Variants in PLXDC2 observed in about 807,000 individuals in gnomAD.
PLXDC2 encodes the protein plexin domain containing 2, also known as plexin domain-containing protein 2.
In PLXDC2, 40 loss-of-function variants were observed where a neutral mutation model predicts 68.9. The ratio of observed to expected loss-of-function variants is 0.58; its 90% CI spans 0.45 to 0.76. The LOEUF (loss-of-function observed/expected upper bound fraction) is 0.76, where lower values mean the gene tolerates loss of function less well. Ranked by LOEUF, PLXDC2 falls within the 30% of genes least tolerant of loss-of-function variation. PLXDC2 has a pLI of 0.00. For missense variants in PLXDC2, 644 were observed against 661.9 expected (o/e 0.97, Z 0.30); for synonymous variants, 243 against 234.2 (o/e 1.04, Z -0.34).
intron 7 of PLXDC2, among the ~76,000 whole-genome samples, 160 bp from the exon 8 acceptor site, chr10:20,176,839 T>G (rs905204340): frequency 6.6e-6 from 1 of 152,182 alleles, no homozygotes; most frequent in Admixed American, 6.6e-5. Context: ...ACTTGACATG[T>G]GATTTTTACA....
At chr10:19,948,113 C>T (rs1833932793) in intron 1 of PLXDC2, among the ~76,000 whole-genome samples, 1 of 152,130 alleles carries the variant, frequency 6.6e-6, no homozygotes, top group South Asian at 2.1e-4. Flanking sequence ...TTTTTAAATT[C>T]ACAACTGTCA....
chr10:19,830,181 C>T (rs1378557026), intron 1 of PLXDC2, among the ~76,000 whole-genome samples: 1 of 152,054 alleles, frequency 6.6e-6, no homozygotes, highest in Non-Finnish European at 1.5e-5. Context: ...CAAAGGAGTC[C>T]AACTGGGAAA....
intron 1 of PLXDC2, among the ~76,000 whole-genome samples, chr10:19,841,558 A>G (rs1270529805): frequency 7.5e-6 from 1 of 132,800 alleles, no homozygotes; most frequent in Admixed American, 7.8e-5. Context: ...TTTTTTTTTA[A>G]GTGTTGCCTA....
chr10:19,953,859 T>C (rs1834026637), intron 1 of PLXDC2, among the ~76,000 whole-genome samples: 1 of 152,150 alleles, frequency 6.6e-6, no homozygotes, highest in South Asian at 2.1e-4. Flanking sequence ...ACAGCAAATG[T>C]ACTGTTTTGA....
chr10:19,953,037 G>T (rs547972112), intron 1 of PLXDC2, among the ~76,000 whole-genome samples: 2 of 151,996 alleles, frequency 1.3e-5, no homozygotes, highest in Non-Finnish European at 2.9e-5. Flanking sequence ...GCTAATTTTT[G>T]TATTTATTAG....
chr10:20,230,744 CATTATA>C (rs1835353801), intron 12 of PLXDC2, among the ~76,000 whole-genome samples: 1 of 124,664 alleles, frequency 8.0e-6, no homozygotes, highest in Non-Finnish European at 1.7e-5. Flanking sequence ...CATTAGGAAC[CATTATA>C]ATTTTTTTAA....
At chr10:19,938,771 A>G (rs1272224334) in intron 1 of PLXDC2, among the ~76,000 whole-genome samples, 2 of 152,212 alleles carry the variant, frequency 1.3e-5, no homozygotes, top group South Asian at 2.1e-4. Flanking sequence ...TCAGCAGTAC[A>G]TGAAGGCTGA....
chr10:20,269,853 A>G (rs1182150605), intron 13 of PLXDC2, among the ~76,000 whole-genome samples: 2 of 152,022 alleles, frequency 1.3e-5, no homozygotes, highest in Non-Finnish European at 2.9e-5. Context: ...TCCCGTTTCT[A>G]TTAAAAATAC....
intron 4 of PLXDC2, among the ~76,000 whole-genome samples, chr10:20,106,047 A>C (rs1013618297): frequency 8.5e-5 from 13 of 152,212 alleles, no homozygotes; most frequent in Non-Finnish European, 1.8e-4. Flanking sequence ...TCAGGGATTC[A>C]AAGATAAAGC....
intron 2 of PLXDC2, among the ~76,000 whole-genome samples, chr10:20,027,443 C>G (rs576996860): frequency 6.6e-6 from 1 of 152,096 alleles, no homozygotes; most frequent in African/African-American, 2.4e-5. Flanking sequence ...GAGGATGCAA[C>G]GAGAAGGCCC....
chr10:20,146,488 T>TTTTCTTCC (rs1834081410), intron 5 of PLXDC2, among the ~76,000 whole-genome samples: 2 of 81,412 alleles, frequency 2.5e-5, no homozygotes, highest in Admixed American at 1.7e-4. Flanking sequence ...TTCTTTTCTT[T>TTTTCTTCC]TTCCTTCCTT....
rs950928768 is a variant in PLXDC2 at position 20,286,009 on chromosome 10, G to A, written c.*6190G>A. The A allele has an allele frequency of 6.6e-6, 1 of 152,154 alleles. No homozygotes were observed. Among genetic ancestry groups the A allele is most frequent in the African/African-American group, 2.4e-5 (1 of 41,418 alleles). 9.4% of individuals were successfully genotyped at this position (152,154 alleles called of 1,614,324 possible). A position where few individuals can be genotyped will look rare whatever the true frequency, so the allele number is the denominator to read the frequency against. On this transcript the variant is annotated 3_prime_UTR_variant, in exon 14 of 14. Transcript: ENST00000377252. ...ACTTTTCAACCATCCAATGCCCACTGCTCTCACAATGATTATTGTAGAGAA... is the reference window on the plus strand; with the variant it reads ...ACTTTTCAACCATCCAATGCCCACTACTCTCACAATGATTATTGTAGAGAA...
chr10:20,233,435 T>G (rs1835391325), intron 12 of PLXDC2, among the ~76,000 whole-genome samples: 1 of 152,098 alleles, frequency 6.6e-6, no homozygotes, highest in South Asian at 2.1e-4. Context: ...GATAAAATTA[T>G]CTAGCAATTA....
At chr10:19,929,949 A>T (rs530598447) in intron 1 of PLXDC2, among the ~76,000 whole-genome samples, 1 of 152,254 alleles carries the variant, frequency 6.6e-6, no homozygotes, top group South Asian at 2.1e-4. Flanking sequence ...TGCTTGCACA[A>T]TCCAGAAGGA....
chr10:20,027,611 A>G (rs1270812671), intron 2 of PLXDC2, among the ~76,000 whole-genome samples: 2 of 151,994 alleles, frequency 1.3e-5, no homozygotes, highest in Middle Eastern at 3.4e-3. Flanking sequence ...AATTGTGTAG[A>G]TATCTCAACA....
At chr10:20,071,247 G>A (rs910270335) in intron 4 of PLXDC2, 9 of 152,224 alleles carry the variant, frequency 5.9e-5, no homozygotes, top group African/African-American at 2.2e-4. Context: ...AGTGTTTCTT[G>A]AGCCCCTAGA....
chr10:19,896,954 T>G (rs1292113497), intron 1 of PLXDC2, among the ~76,000 whole-genome samples: 1 of 152,166 alleles, frequency 6.6e-6, no homozygotes. Context: ...GTTCTTCATA[T>G]TTACTTGATT....
At chr10:19,836,707 T>C (rs1836799302) in intron 1 of PLXDC2, among the ~76,000 whole-genome samples, 1 of 152,158 alleles carries the variant, frequency 6.6e-6, no homozygotes, top group Admixed American at 6.5e-5. Context: ...ATATGTAAAA[T>C]AATTTGTTTA....
At position 20,205,630 on chromosome 10, in the gene PLXDC2, C is replaced by T. The variant is rs537707553; in HGVS notation, c.1062-6039C>T. Among the ~76,000 whole-genome samples, 224 of 152,010 alleles carry T rather than the reference C, an allele frequency of 1.5e-3. 2 individuals carry two copies. Among genetic ancestry groups the T allele is most frequent in the African/African-American group, 5.2e-3 (214 of 41,472 alleles). On this transcript the variant is annotated intron_variant, in intron 9 of 13. Coordinates refer to ENST00000377252, the MANE Select transcript of PLXDC2 (RefSeq NM_032812.9). ...TAAATCCTGTCTATGAAGTGAAAAC[C>T]TCATTTACTCATTTTTCTATGATAG...
Sources: allele counts gnomAD v4.1 joint callset (sites outside exome capture counted in the v4.1 genomes callset), GRCh38; gene constraint gnomAD v4.1.1; transcripts MANE v1.5; gene names NCBI Gene and HGNC (gene_info 2026-07-23, HGNC 2026-07-21).